Variants in MDM1 observed in about 807,000 individuals in gnomAD.
MDM1 encodes stabilizer of axonemal microtubules 6.
In MDM1, 61 loss-of-function variants were observed where a neutral mutation model predicts 89.1. The observed-to-expected ratio is 0.68, with a 90% CI of 0.56 to 0.85. MDM1 has a LOEUF of 0.85. Ranked by LOEUF, MDM1 falls within the 40% of genes least tolerant of loss-of-function variation. MDM1 has a pLI of 0.00. For synonymous variants in MDM1, 290 were observed against 294.1 expected, an observed-to-expected ratio of 0.99 and a Z score of 0.14; for missense variants, 820 against 846.5, an observed-to-expected ratio of 0.97 and a Z score of 0.39.
chr12:68,326,635 G>A (rs1876024087), intron 3 of MDM1, 22 bp downstream of exon 3: 2 of 1,614,094 alleles, frequency 1.2e-6, no homozygotes, highest in East Asian at 4.5e-5. Flanking sequence ...CTTTTGAAAA[G>A]AAATGCAGTG....
At chr12:68,326,210 A>C in intron 3 of MDM1, 10 of 1,090,448 alleles carry the variant, frequency 9.2e-6, no homozygotes, top group Non-Finnish European at 1.0e-5. Context: ...AAGATCTCTG[A>C]GAGACAGCCA....
At chr12:68,296,291 A>C (rs1341624481) in intron 14 of MDM1, among the ~76,000 whole-genome samples, 2 of 152,234 alleles carry the variant, frequency 1.3e-5, no homozygotes, top group Non-Finnish European at 2.9e-5. Flanking sequence ...CAAGGTCAGG[A>C]GTTTGAGACC....
intron 7 of MDM1, among the ~76,000 whole-genome samples, chr12:68,318,412 G>C (rs1874773183): frequency 6.6e-6 from 1 of 152,012 alleles, no homozygotes; most frequent in South Asian, 2.1e-4. Context: ...AGGAGGGGGA[G>C]AGTATACTTC....
rs535607532 is a variant in MDM1, at chr12:68,307,890, A to G, written c.1750-5018T>C. On this transcript the variant is annotated intron_variant, in intron 12 of 14. Coordinates refer to ENST00000682720, the MANE Select transcript of MDM1 (RefSeq NM_001354969.2). ...AAGGCAGAGGTTGCAGTGAGCCAAG[A>G]TCGCACCACTATACTCCAGCCTGGG... is the stretch of plus-strand genomic sequence containing the variant. Among the ~76,000 whole-genome samples, 12 of 150,498 alleles carry G rather than the reference A, an allele frequency of 8.0e-5. No homozygotes were observed. In the South Asian group the frequency reaches 2.1e-3, roughly 27 times the overall value.
chr12:68,302,987 A>ACAACC, intron 12 of MDM1, 115 bp from the exon 13 acceptor site: 2 of 867,514 alleles, frequency 2.3e-6, no homozygotes, highest in Non-Finnish European at 3.3e-6. Flanking sequence ...GAAATATGAG[A>ACAACC]GAATTTATGC....
rs530911201 is a variant in MDM1, at chr12:68,327,136, A to G, written c.134-115T>C. The G allele has an allele frequency of 1.1e-3, 1,616 of 1,413,442 alleles. 1 individual carries two copies. Among genetic ancestry groups the G allele is most frequent in the Non-Finnish European group, 1.4e-3 (1,505 of 1,083,220 alleles). The allele number at this position is 1,413,442 out of a possible 1,614,324, so 87.6% of individuals were successfully genotyped here. A position where few individuals can be genotyped will look rare whatever the true frequency, so the allele number is the denominator to read the frequency against. ...TTTTAAATTTAGTTCAGATATATGT[A>G]CCTATATATACACACAATATCCTTC... On this transcript the variant is annotated intron_variant, in intron 2 of 14. Transcript: ENST00000682720.
chr12:68,332,122 C>G (rs1037936952), intron 1 of MDM1, 106 bp downstream of exon 1: 167 of 1,480,960 alleles, frequency 1.1e-4, no homozygotes, highest in Non-Finnish European at 1.5e-4. Context: ...CAGCTTCCGC[C>G]GGGCAGAGGG....
At chr12:68,310,788 T>G (rs1355130619) in intron 12 of MDM1, among the ~76,000 whole-genome samples, 2 of 152,206 alleles carry the variant, frequency 1.3e-5, no homozygotes, top group Admixed American at 6.5e-5. Context: ...TCCTACTTTG[T>G]ACTCAAATTC....
intron 3 of MDM1, 40 bp downstream of exon 3, chr12:68,326,617 A>C: frequency 1.2e-6 from 2 of 1,614,132 alleles, no homozygotes; most frequent in Non-Finnish European, 1.7e-6. Flanking sequence ...CCAATGAAGA[A>C]TTCTATGCTT....
chr12:68,328,536 C>T (rs959735192), intron 2 of MDM1, among the ~76,000 whole-genome samples: 3 of 152,098 alleles, frequency 2.0e-5, no homozygotes, highest in African/African-American at 7.2e-5. Flanking sequence ...ACCAGAAATT[C>T]TATCATTCAA....
intron 7 of MDM1, 64 bp downstream of exon 7, chr12:68,321,283 T>C (rs1565780913): frequency 2.3e-6 from 3 of 1,276,918 alleles, no homozygotes; most frequent in Non-Finnish European, 3.3e-6. Context: ...GAACTCGTTG[T>C]GAAATTAAAG....
Position 68,296,863 on chromosome 12 carries a change from A to G in MDM1, c.2062+60T>C. On this transcript the variant is annotated intron_variant, in intron 14 of 14. Transcript: ENST00000682720. ...GCTATAAAGTGCTAATCAAATGTAA[A>G]GCCATTATACTCTCATAGACTAGAA... 6 of 1,142,794 alleles carry G rather than the reference A, an allele frequency of 5.3e-6. No homozygotes were observed. The South Asian group carries it at 8.9e-5, about 17-fold the overall frequency. 70.8% of individuals were successfully genotyped at this position (1,142,794 alleles called of 1,614,324 possible).
At chr12:68,328,826 T>C (rs1473413759) in intron 2 of MDM1, among the ~76,000 whole-genome samples, 1 of 152,204 alleles carries the variant, frequency 6.6e-6, no homozygotes, top group Non-Finnish European at 1.5e-5. Context: ...AACACTGCTG[T>C]TGTTTTTTGC....
intron 12 of MDM1, 115 bp from the exon 13 acceptor site, chr12:68,302,987 A>ACCACC: frequency 2.3e-6 from 2 of 867,490 alleles, no homozygotes; most frequent in Non-Finnish European, 3.3e-6. Context: ...GAAATATGAG[A>ACCACC]GAATTTATGC....
chr12:68,327,205 T>G, intron 2 of MDM1, 184 bp from the exon 3 acceptor site: 2 of 1,397,462 alleles, frequency 1.4e-6, no homozygotes, highest in African/African-American at 1.4e-5. Flanking sequence ...CATAAAATAT[T>G]TAATTTTGCT....
At chr12:68,302,573 A>G (rs746686967) in intron 13 of MDM1, 47 bp downstream of exon 13, 2 of 1,517,108 alleles carry the variant, frequency 1.3e-6, no homozygotes, top group Non-Finnish European at 1.8e-6. Flanking sequence ...ACCTATCAGC[A>G]TAACACTTTA....
rs145317872 is a variant in MDM1 at position 68,300,506 on chromosome 12, G to A, written c.2002+2114C>T. ...TGCAAATGGAAACCAAAAGCAAGCA[G>A]GAGTCTTATATCAGGCAAAACAGAC... is the stretch of plus-strand genomic sequence containing the variant. On this transcript the variant is annotated intron_variant, in intron 13 of 14. Transcript: ENST00000682720. Among the ~76,000 whole-genome samples the A allele has an allele frequency of 1.7e-3, 261 of 152,088 alleles. 1 individual carries two copies. Among genetic ancestry groups the A allele is most frequent in the African/African-American group, 5.8e-3 (239 of 41,506 alleles).
chr12:68,321,382 C>A lies in MDM1; in HGVS notation c.970G>T (p.Ala324Ser). ...SPAQYLYKAG[A>S]WTHVKGNMPN... ...ATGTTTCCCTTTACATGTGTCCAAG[C>A]CCCAGCTTTATATAAATACTGAGCT... The change falls in exon 7 of 15, where the codon GCT (alanine) becomes TCT (serine). Residue 324 changes from alanine (A) to serine (S), a missense_variant. Physicochemically the swap from Ala to Ser is moderately conservative, Grantham distance 99 (BLOSUM62 1). Transcript: ENST00000682720. 1 of 1,613,788 alleles carries A rather than the reference C, an allele frequency of 6.2e-7. No individual in the cohort carries two copies. Among genetic ancestry groups the A allele is most frequent in the Non-Finnish European group, 8.5e-7 (1 of 1,179,876 alleles).
chr12:68,304,750 A>C (rs571175718), intron 12 of MDM1, among the ~76,000 whole-genome samples: 1 of 152,344 alleles, frequency 6.6e-6, no homozygotes, highest in East Asian at 1.9e-4. Flanking sequence ...CTAAATCCTC[A>C]AAAGGCCAAT....
Sources: allele counts gnomAD v4.1 joint callset (sites outside exome capture counted in the v4.1 genomes callset), GRCh38; gene constraint gnomAD v4.1.1; transcripts MANE v1.5; gene names NCBI Gene and HGNC (gene_info 2026-07-23, HGNC 2026-07-21).